The following SORCS2 variants were observed in gnomAD, a reference collection of about 807,000 sequenced individuals.
The protein encoded by SORCS2 is sortilin related VPS10 domain containing receptor 2, also known as VPS10 domain-containing receptor SorCS2.
SORCS2 carries 100 observed loss-of-function variants against 141.6 expected under a neutral mutation model. That is an observed-to-expected ratio of 0.71 (90% confidence interval 0.60 to 0.83). The LOEUF (loss-of-function observed/expected upper bound fraction) is 0.83, where lower values mean the gene tolerates loss of function less well. Among genes scored for constraint, SORCS2 ranks in the 40% least tolerant of loss-of-function variants. SORCS2 has a pLI of 0.00. For synonymous variants in SORCS2, 789 were observed against 676.9 expected (o/e 1.17, Z -2.57); for missense variants, 1,646 against 1,560.2 (o/e 1.05, Z -0.93).
At chr4:7,339,048 C>T (rs1169340282) in intron 1 of SORCS2, among the ~76,000 whole-genome samples, 1 of 152,246 alleles carries the variant, frequency 6.6e-6, no homozygotes, top group Non-Finnish European at 1.5e-5. Flanking sequence ...CGGGCTCTTC[C>T]ATTCTGCCTG....
chr4:7,602,867 A>C lies in SORCS2; in HGVS notation c.649-35461A>C, dbSNP rs957923995. Among the ~76,000 whole-genome samples, 22 of 152,352 alleles carry C rather than the reference A, an allele frequency of 1.4e-4. No homozygotes were observed. In the South Asian group the frequency reaches 1.5e-3, roughly 10 times the overall value. On this transcript the variant is annotated intron_variant, in intron 3 of 26. Coordinates refer to ENST00000507866, the MANE Select transcript of SORCS2 (RefSeq NM_020777.3). ...ACGCCACTGCACTCCAGCCTGGGCA[A>C]CATTGAGCACTGAGTGAGCGAGACT... is the stretch of plus-strand genomic sequence containing the variant.
rs567773099 is a variant in SORCS2 at position 7,417,726 on chromosome 4, T to G, written c.548+21371T>G. On this transcript the variant is annotated intron_variant, in intron 2 of 26. Coordinates refer to ENST00000507866, the MANE Select transcript of SORCS2 (RefSeq NM_020777.3). The stretch of plus-strand genomic sequence containing the variant: ...CGGCTTGCCCAGGCGTGCACTCCTC[T>G]GGTCCCTGCATCAGGCCTCTCCTAT... Among the ~76,000 whole-genome samples, 13 of 152,312 alleles carry G rather than the reference T, an allele frequency of 8.5e-5. No homozygotes were observed. The East Asian group carries it at 2.5e-3, about 29-fold the overall frequency.
intron 2 of SORCS2, among the ~76,000 whole-genome samples, chr4:7,494,104 C>T (rs892996682): frequency 6.6e-6 from 1 of 152,202 alleles, no homozygotes; most frequent in Non-Finnish European, 1.5e-5. Context: ...TGCATGGATG[C>T]ACGTGAGTGT....
At chr4:7,369,649 C>T (rs1340529390) in intron 1 of SORCS2, among the ~76,000 whole-genome samples, 1 of 152,194 alleles carries the variant, frequency 6.6e-6, no homozygotes, top group African/African-American at 2.4e-5. Context: ...GGGGAGTGGC[C>T]TGGCCCCAGC....
intron 7 of SORCS2, among the ~76,000 whole-genome samples, chr4:7,666,279 C>T (rs1722499811): frequency 1.3e-5 from 2 of 152,220 alleles, no homozygotes; most frequent in African/African-American, 2.4e-5. Context: ...TCGTTCTGCA[C>T]AAGGTCACAG....
intron 10 of SORCS2, among the ~76,000 whole-genome samples, chr4:7,686,179 C>T (rs561589548): frequency 6.6e-6 from 1 of 152,304 alleles, no homozygotes; most frequent in South Asian, 2.1e-4. Context: ...GCAGGGATGG[C>T]TTTAACAGGA....
intron 9 of SORCS2, among the ~76,000 whole-genome samples, chr4:7,681,803 C>G (rs534219856): frequency 6.6e-6 from 1 of 152,356 alleles, no homozygotes; most frequent in African/African-American, 2.4e-5. Context: ...TATGCCGTTA[C>G]TATCCTAGAG....
intron 3 of SORCS2, among the ~76,000 whole-genome samples, chr4:7,545,464 T>A (rs1342398908): frequency 6.6e-6 from 1 of 151,856 alleles, no homozygotes; most frequent in Non-Finnish European, 1.5e-5. Flanking sequence ...CTGGAGGGAG[T>A]GGCAGGGGGA....
At chr4:7,317,823 C>G (rs947502391) in intron 1 of SORCS2, among the ~76,000 whole-genome samples, 1 of 152,170 alleles carries the variant, frequency 6.6e-6, no homozygotes, top group Non-Finnish European at 1.5e-5. Flanking sequence ...CTCCACCATT[C>G]AGCTGATTCT....
At chr4:7,327,811 C>G (rs969155892) in intron 1 of SORCS2, among the ~76,000 whole-genome samples, 4 of 152,024 alleles carry the variant, frequency 2.6e-5, no homozygotes, top group Non-Finnish European at 5.9e-5. Context: ...CCGCCCCCCC[C>G]AACCCCGCCC....
chr4:7,574,855 G>A (rs963472666), intron 3 of SORCS2, among the ~76,000 whole-genome samples: 1 of 152,214 alleles, frequency 6.6e-6, no homozygotes, highest in Non-Finnish European at 1.5e-5. Context: ...GAGCCACTGA[G>A]CAAGGCCTCT....
intron 3 of SORCS2, among the ~76,000 whole-genome samples, chr4:7,593,607 G>C (rs1004005047): frequency 6.6e-6 from 1 of 152,040 alleles, no homozygotes; most frequent in Non-Finnish European, 1.5e-5. Context: ...CTGTGTTCCA[G>C]GTGGTGCTGC....
rs9685354 is a variant in SORCS2, at chr4:7,501,138, C to T, written c.549-30392C>T. ...GCGGGTGAGACGAATCTTGCCCTAC[C>T]CCACCAACTGCCTCAGCACTCCCTG... On this transcript the variant is annotated intron_variant, in intron 2 of 26. Coordinates refer to ENST00000507866, the MANE Select transcript of SORCS2 (RefSeq NM_020777.3). Among the ~76,000 whole-genome samples, 1,275 of 152,288 alleles carry T rather than the reference C, an allele frequency of 8.4e-3. 16 individuals are homozygous for T. The highest frequency in any genetic ancestry group is 0.029 in the African/African-American group (1,200 of 41,548).
chr4:7,483,821 G>A (rs1052394451), intron 2 of SORCS2, among the ~76,000 whole-genome samples: 2 of 152,112 alleles, frequency 1.3e-5, no homozygotes, highest in African/African-American at 4.8e-5. Context: ...CCTAGATGAC[G>A]GGTTGATGGG....
At position 7,553,782 on chromosome 4, in the gene SORCS2, C is replaced by G. The variant is rs147059205; in HGVS notation, c.648+22153C>G. 9.2e-5 allele frequency among the ~76,000 whole-genome samples: 14 copies of G among 152,286 alleles called. No individual in the cohort carries two copies. In the East Asian group the frequency reaches 2.3e-3, roughly 25 times the overall value. ...CTATTGTCTCAAACCTGGTGTATGT[C>G]AATCATGACTGATATTCGGGAAGGG... On this transcript the variant is annotated intron_variant, in intron 3 of 26. Coordinates refer to ENST00000507866, the MANE Select transcript of SORCS2 (RefSeq NM_020777.3).
chr4:7,401,048 T>C (rs1228148410), intron 2 of SORCS2, among the ~76,000 whole-genome samples: 3 of 150,792 alleles, frequency 2.0e-5, no homozygotes, highest in Non-Finnish European at 3.0e-5. Context: ...GACGGACAGA[T>C]GGATGAATGG....
chr4:7,253,564 G>C (rs1302734613), intron 1 of SORCS2, among the ~76,000 whole-genome samples: 1 of 152,198 alleles, frequency 6.6e-6, no homozygotes, highest in East Asian at 1.9e-4. Flanking sequence ...AGGTGTCCAG[G>C]GGGCAGGTGG....
At chr4:7,616,556 G>A (rs910901454) in intron 3 of SORCS2, among the ~76,000 whole-genome samples, 6 of 152,076 alleles carry the variant, frequency 3.9e-5, no homozygotes, top group Admixed American at 6.5e-5. Flanking sequence ...ATCTCCTCCC[G>A]CAAGGACCCA....
At chr4:7,642,361 T>C (rs1417983040) in intron 4 of SORCS2, among the ~76,000 whole-genome samples, 1 of 152,254 alleles carries the variant, frequency 6.6e-6, no homozygotes, top group African/African-American at 2.4e-5. Context: ...AGAAATTGAC[T>C]GCATTGCAAT....
Sources: gnomAD v4.1 joint callset for allele counts (sites outside exome capture counted in the v4.1 genomes callset) on GRCh38, gnomAD v4.1.1 for gene constraint, MANE v1.5 for transcripts, NCBI Gene and HGNC (gene_info 2026-07-23, HGNC 2026-07-21) for gene names.